The following TMEM244 variants were observed in gnomAD, a reference collection of about 807,000 sequenced individuals.
TMEM244 encodes the protein putative transmembrane protein 244.
Under a neutral mutation model 15.8 loss-of-function variants are expected in TMEM244, and 13 were observed. The observed-to-expected ratio is 0.82, with a 90% CI of 0.53 to 1.30. The LOEUF (loss-of-function observed/expected upper bound fraction) is 1.30. Ranked by LOEUF, TMEM244 falls within the 50% of genes most tolerant of loss-of-function variation. The pLI is 0.00. For synonymous variants in TMEM244, 45 were observed against 48.7 expected (o/e 0.92, Z 0.32); for missense variants, 161 against 144.9 (o/e 1.11, Z -0.57).
intron 1 of TMEM244, among the ~76,000 whole-genome samples, chr6:129,855,466 A>C (rs1404960423): frequency 2.6e-5 from 4 of 152,190 alleles, no homozygotes; most frequent in Non-Finnish European, 5.9e-5. Context: ...TCTCACAGGC[A>C]GGAACAACGA....
intron 3 of TMEM244, among the ~76,000 whole-genome samples, chr6:129,839,303 T>C (rs1211544416): frequency 1.3e-5 from 2 of 152,138 alleles, no homozygotes; most frequent in Non-Finnish European, 1.5e-5. Flanking sequence ...TAATCCATCA[T>C]GTAAACAGAA....
intron 1 of TMEM244, among the ~76,000 whole-genome samples, chr6:129,846,800 T>C (rs929635305): frequency 6.6e-6 from 1 of 152,158 alleles, no homozygotes; most frequent in Non-Finnish European, 1.5e-5. Flanking sequence ...TATGCAAGAA[T>C]TTACAGAGCA....
At chr6:129,837,450 G>A (rs563803979) in intron 3 of TMEM244, among the ~76,000 whole-genome samples, 1 of 152,160 alleles carries the variant, frequency 6.6e-6, no homozygotes, top group African/African-American at 2.4e-5. Context: ...GGAACAACAG[G>A]TACTAGCCAC....
chr6:129,856,339 C>G (rs900281466), intron 1 of TMEM244, among the ~76,000 whole-genome samples: 49 of 152,058 alleles, frequency 3.2e-4, no homozygotes, highest in African/African-American at 1.2e-3. Context: ...CTATTTGCTT[C>G]CATTGAGCTA....
intron 1 of TMEM244, among the ~76,000 whole-genome samples, chr6:129,855,728 T>A (rs1389426143): frequency 6.6e-6 from 1 of 152,214 alleles, no homozygotes; most frequent in African/African-American, 2.4e-5. Context: ...ATTGTGCATT[T>A]CCCATTGTAT....
intron 1 of TMEM244, among the ~76,000 whole-genome samples, chr6:129,849,841 C>T (rs1243173090): frequency 1.3e-5 from 2 of 152,028 alleles, no homozygotes; most frequent in African/African-American, 2.4e-5. Context: ...TAAGCCCAAG[C>T]GAGACGCCAG....
At chr6:129,851,784 C>G (rs1202854424) in intron 1 of TMEM244, among the ~76,000 whole-genome samples, 3 of 152,154 alleles carry the variant, frequency 2.0e-5, no homozygotes, top group African/African-American at 7.2e-5. Flanking sequence ...TTGCTGCACT[C>G]TAGGAAAAGC....
chr6:129,833,370 G>T, intron 4 of TMEM244, 90 bp downstream of exon 4: 2 of 1,387,450 alleles, frequency 1.4e-6, no homozygotes, highest in Non-Finnish European at 1.9e-6. Flanking sequence ...ACAAGAATAT[G>T]CAGACAACAA....
At chr6:129,842,312 G>C in intron 3 of TMEM244, among the ~76,000 whole-genome samples, 1 of 152,096 alleles carries the variant, frequency 6.6e-6, no homozygotes. Context: ...GATAGTGTTG[G>C]CAAAAACTAG....
intron 1 of TMEM244, among the ~76,000 whole-genome samples, chr6:129,848,905 T>C (rs1217254175): frequency 1.3e-5 from 2 of 152,204 alleles, no homozygotes; most frequent in Admixed American, 6.5e-5. Flanking sequence ...ACATAGTCTC[T>C]ATATTAGTAT....
intron 3 of TMEM244, among the ~76,000 whole-genome samples, chr6:129,842,555 A>G (rs929000621): frequency 6.7e-6 from 1 of 149,658 alleles, no homozygotes; most frequent in Non-Finnish European, 1.5e-5. Flanking sequence ...CTATATTTGC[A>G]TATTTGTACC....
intron 3 of TMEM244, among the ~76,000 whole-genome samples, chr6:129,835,960 A>G (rs113583269): frequency 2.6e-5 from 4 of 152,222 alleles, no homozygotes; most frequent in African/African-American, 7.2e-5. Context: ...TACTGCCTCT[A>G]TAGATTCTAC....
At chr6:129,858,786 T>C (rs796542152) in intron 1 of TMEM244, among the ~76,000 whole-genome samples, 4 of 147,868 alleles carry the variant, frequency 2.7e-5, no homozygotes, top group African/African-American at 1.0e-4. Flanking sequence ...ACCACTATAG[T>C]AGGAACCATA....
At chr6:129,836,095 A>G (rs1405751500) in intron 3 of TMEM244, among the ~76,000 whole-genome samples, 1 of 152,170 alleles carries the variant, frequency 6.6e-6, no homozygotes, top group Non-Finnish European at 1.5e-5. Context: ...CCGAGAACAG[A>G]CAGACTGCCT....
chr6:129,841,002 G>A (rs1019968852), intron 3 of TMEM244, among the ~76,000 whole-genome samples: 13 of 152,246 alleles, frequency 8.5e-5, no homozygotes, highest in Non-Finnish European at 1.8e-4. Context: ...CAACCATTGC[G>A]GAAGACTGTG....
intron 1 of TMEM244, among the ~76,000 whole-genome samples, chr6:129,846,307 A>C (rs1776560250): frequency 6.6e-6 from 1 of 152,202 alleles, no homozygotes; most frequent in Admixed American, 6.5e-5. Flanking sequence ...TTCCTTGTAT[A>C]ATCCAAACAT....
chr6:129,856,543 A>T (rs1776712712), intron 1 of TMEM244, among the ~76,000 whole-genome samples: 1 of 152,182 alleles, frequency 6.6e-6, no homozygotes, highest in South Asian at 2.1e-4. Context: ...TGGAGGTGAT[A>T]AATAAGTCTA....
chr6:129,840,720 C>T (rs1053514985), intron 3 of TMEM244, among the ~76,000 whole-genome samples: 1 of 152,058 alleles, frequency 6.6e-6, no homozygotes, highest in African/African-American at 2.4e-5. Flanking sequence ...AGAACTTAAA[C>T]AAATTTATAA....
chr6:129,850,788 T>A lies in TMEM244; in HGVS notation c.34-4936A>T, dbSNP rs566808502. ...TTATGTTGTTTGTTCATACTACGTC[T>A]TAGAAGTACAAAAGGTAATTTATTT... On this transcript the variant is annotated intron_variant, in intron 1 of 4. Coordinates refer to ENST00000368143, the MANE Select transcript of TMEM244 (RefSeq NM_001010876.2). 4.6e-5 allele frequency among the ~76,000 whole-genome samples: 7 copies of A among 152,350 alleles called. No individual in the cohort carries two copies. In the East Asian group the frequency reaches 1.3e-3, roughly 29 times the overall value.
Sources: gnomAD v4.1 joint callset for allele counts (sites outside exome capture counted in the v4.1 genomes callset) on GRCh38, gnomAD v4.1.1 for gene constraint, MANE v1.5 for transcripts, NCBI Gene and HGNC (gene_info 2026-07-23, HGNC 2026-07-21) for gene names.